Variants in ERRFI1 observed in about 807,000 individuals in gnomAD.
ERRFI1 encodes the protein ERBB receptor feedback inhibitor 1.
ERRFI1 carries 12 observed loss-of-function variants against 14.6 expected under a neutral mutation model. The observed-to-expected ratio is 0.82, with a 90% CI of 0.53 to 1.33. ERRFI1 has a LOEUF of 1.33. Ranked by LOEUF, ERRFI1 falls within the 40% of genes most tolerant of loss-of-function variation. The pLI, the probability that ERRFI1 is intolerant of heterozygous loss-of-function variation, is 0.00. For missense variants in ERRFI1, 482 were observed against 572.1 expected, an observed-to-expected ratio of 0.84 and a Z score of 1.61; for synonymous variants, 202 against 209.9, an observed-to-expected ratio of 0.96 and a Z score of 0.32.
At position 8,015,774 on chromosome 1, in the gene ERRFI1, A is replaced by C. The variant is rs539136670; in HGVS notation, c.-73-82T>G. 9.8e-6 allele frequency: 9 copies of C among 915,014 alleles called. No individual in the cohort carries two copies. In the African/African-American group the frequency reaches 1.5e-4, roughly 15 times the overall value. The allele number at this position is 915,014 out of a possible 1,614,324, so 56.7% of individuals were successfully genotyped here. The stretch of plus-strand genomic sequence containing the variant: ...GGACAGTCTAAATTACAGCAAAGCT[A>C]ACAGAGGATTTGGGGGATGCTGAAT... On this transcript the variant is annotated intron_variant, in intron 1 of 3. Coordinates refer to ENST00000377482, the MANE Select transcript of ERRFI1 (RefSeq NM_018948.4).
chr1:8,019,690 G>A (rs1420339281), intron 1 of ERRFI1, among the ~76,000 whole-genome samples: 1 of 152,188 alleles, frequency 6.6e-6, no homozygotes, highest in Non-Finnish European at 1.5e-5. Flanking sequence ...AAGTTAATGC[G>A]TGCTGGAGTG....
chr1:8,012,786 T>C lies in ERRFI1; in HGVS notation c.*424A>G, dbSNP rs987734298. 3 of 241,284 alleles carry C rather than the reference T, an allele frequency of 1.2e-5. No individual in the cohort carries two copies. Among genetic ancestry groups the C allele is most frequent in the Non-Finnish European group, 2.5e-5 (3 of 122,276 alleles). The allele number at this position is 241,284 out of a possible 1,614,324, so 14.9% of individuals were successfully genotyped here. A position where few individuals can be genotyped will look rare whatever the true frequency, so the allele number is the denominator to read the frequency against. On this transcript the variant is annotated 3_prime_UTR_variant, in exon 4 of 4. Coordinates refer to ENST00000377482, the MANE Select transcript of ERRFI1 (RefSeq NM_018948.4). ...ATTCTGATCTAAACAATACTGTATC[T>C]TCTTCCATTTGCTCAATTTTCAGTC...
Position 8,013,271 on chromosome 1 carries a change from G to C in ERRFI1, c.1328C>G (p.Thr443Arg). 6.2e-7 allele frequency: 1 copy of C among 1,613,844 alleles called. No homozygotes were observed. Among genetic ancestry groups the C allele is most frequent in the Non-Finnish European group, 8.5e-7 (1 of 1,179,942 alleles). The change falls in exon 4 of 4, where the codon ACA becomes AGA. Residue 443 changes from threonine (T) to arginine (R), a missense_variant. Thr to Arg is a moderately conservative substitution (Grantham distance 71). Coordinates refer to ENST00000377482, the MANE Select transcript of ERRFI1 (RefSeq NM_018948.4). The surrounding 1 kb of genome is among the most constrained non-coding windows in gnomAD (Gnocchi z 4.3). ...SSATEKPDSKTKMDLGGHVKR... is the reference protein window; with the variant it reads ...SSATEKPDSKRKMDLGGHVKR... ...CACGTGGCCACCCAGATCCATTTTT[G>C]TTTTTGAGTCTGGCTTTTCTGTGGC...
Position 8,014,301 on chromosome 1 carries a change from T to C in ERRFI1, c.298A>G (p.Ser100Gly). 2 of 1,613,888 alleles carry C rather than the reference T, an allele frequency of 1.2e-6. No individual in the cohort carries two copies. Among genetic ancestry groups the C allele is most frequent in the Non-Finnish European group, 1.7e-6 (2 of 1,179,870 alleles). Residue 100 changes from serine (S) to glycine (G), a missense_variant, in exon 4 of 4, where the codon AGT becomes GGT. Physicochemically the swap from Ser to Gly is moderately conservative, Grantham distance 56 (BLOSUM62 0). Coordinates refer to ENST00000377482, the MANE Select transcript of ERRFI1 (RefSeq NM_018948.4). The part of the protein sequence containing the change: ...SSLPPLLIPP[S>G]ENLGPHEEDQ... ...TCTTCATGTGGTCCCAAGTTTTCAC[T>C]TGGGGGAATAAGAAGAGGGGGCAAG...
chr1:8,013,587 G>A lies in ERRFI1; in HGVS notation c.1012C>T (p.Leu338Phe), dbSNP rs780660769. ...SNSRTPSPKSLPSYLNGVMPP... is the reference protein window; with the variant it reads ...SNSRTPSPKSFPSYLNGVMPP... ...ATGACCCCATTGAGGTAAGACGGAAGGCTTTTGGGACTCGGTGTGCGCGAG... is the reference window on the plus strand; with the variant it reads ...ATGACCCCATTGAGGTAAGACGGAAAGCTTTTGGGACTCGGTGTGCGCGAG... Residue 338 changes from leucine to phenylalanine, a missense_variant, in exon 4 of 4, where the codon CTT (leucine) becomes TTT (phenylalanine). By Grantham distance (22) the Leu-to-Phe change is conservative. Transcript: ENST00000377482. The surrounding 1 kb of genome is among the most constrained non-coding windows in gnomAD (Gnocchi z 4.3). The A allele has an allele frequency of 2.5e-6, 4 of 1,614,068 alleles. No individual in the cohort carries two copies. Among genetic ancestry groups the A allele is most frequent in the Middle Eastern group, 1.6e-4 (1 of 6,084 alleles).
At chr1:8,024,232 CAA>C (rs1398544179) in intron 1 of ERRFI1, among the ~76,000 whole-genome samples, 1 of 152,128 alleles carries the variant, frequency 6.6e-6, no homozygotes. Context: ...AAGCAGCAGT[CAA>C]GAGGTATTTT....
intron 3 of ERRFI1, 177 bp downstream of exon 3, chr1:8,015,131 T>C: frequency 1.7e-6 from 1 of 602,476 alleles, no homozygotes; most frequent in Non-Finnish European, 2.9e-6. Flanking sequence ...GGCAGTCGAG[T>C]ACAATAGCTT....
Position 8,012,804 on chromosome 1 carries a change from T to A in ERRFI1, c.*406A>T, listed in dbSNP as rs1641104833. ...CTGTATCTTCTTCCATTTGCTCAAT[T>A]TTCAGTCTATCAGGACTCATTTCTC... On this transcript the variant is annotated 3_prime_UTR_variant, in exon 4 of 4. Transcript: ENST00000377482. The A allele has an allele frequency of 4.1e-6, 1 of 243,420 alleles. No individual in the cohort carries two copies. The highest frequency in any genetic ancestry group is 8.1e-6 in the Non-Finnish European group (1 of 123,846). The allele number at this position is 243,420 out of a possible 1,614,324, so 15.1% of individuals were successfully genotyped here.
At chr1:8,025,166 C>A (rs1481619625) in intron 1 of ERRFI1, among the ~76,000 whole-genome samples, 1 of 152,196 alleles carries the variant, frequency 6.6e-6, no homozygotes, top group Non-Finnish European at 1.5e-5. Flanking sequence ...AGTCTCCATT[C>A]TGACTTAAGT....
intron 1 of ERRFI1, among the ~76,000 whole-genome samples, chr1:8,024,641 A>C (rs1641319714): frequency 6.6e-6 from 1 of 152,234 alleles, no homozygotes; most frequent in Non-Finnish European, 1.5e-5. Context: ...CACACAGGTG[A>C]AAATAAACTT....
intron 1 of ERRFI1, among the ~76,000 whole-genome samples, chr1:8,024,208 G>C (rs1254865563): frequency 6.6e-6 from 1 of 152,176 alleles, no homozygotes; most frequent in Non-Finnish European, 1.5e-5. Context: ...GTATTATCTA[G>C]CTCAACTTTT....
chr1:8,018,383 G>GT, intron 1 of ERRFI1, among the ~76,000 whole-genome samples: 1 of 115,612 alleles, frequency 8.6e-6, no homozygotes, highest in Admixed American at 9.2e-5. Context: ...CGGGGGGGGG[G>GT]GGGGCGCGGA....
intron 1 of ERRFI1, among the ~76,000 whole-genome samples, chr1:8,025,393 T>C (rs543037628): frequency 6.6e-6 from 1 of 152,310 alleles, no homozygotes; most frequent in South Asian, 2.1e-4. Flanking sequence ...GCAGTCCGAT[T>C]CCATTCAAAG....
intron 1 of ERRFI1, among the ~76,000 whole-genome samples, chr1:8,022,925 C>A (rs556663344): frequency 6.6e-6 from 1 of 152,056 alleles, no homozygotes; most frequent in Non-Finnish European, 1.5e-5. Flanking sequence ...AAGAGAATAG[C>A]CAAGCAAGCA....
chr1:8,016,555 C>T (rs1298400722), intron 1 of ERRFI1, among the ~76,000 whole-genome samples: 2 of 152,208 alleles, frequency 1.3e-5, no homozygotes, highest in African/African-American at 4.8e-5. Context: ...TCCCCTTTGT[C>T]AGATGTTACA....
At chr1:8,017,502 T>C (rs1196329281) in intron 1 of ERRFI1, among the ~76,000 whole-genome samples, 1 of 152,224 alleles carries the variant, frequency 6.6e-6, no homozygotes, top group Non-Finnish European at 1.5e-5. Flanking sequence ...ATGTGTTATC[T>C]ACCATCAAGC....
In ERRFI1 at chr1:8,012,965, A is replaced by T. The variant is rs529668406; in HGVS notation, c.*245T>A. The T allele has an allele frequency of 8.8e-5, 44 of 501,658 alleles. No homozygotes were observed. The highest frequency in any genetic ancestry group is 1.3e-4 in the Non-Finnish European group (38 of 285,798). The allele number at this position is 501,658 out of a possible 1,614,324, so 31.1% of individuals were successfully genotyped here. ...GTATGCATATATAAAAAGCTTCCCC[A>T]TCCTCCCCTCCCCACCATCACATCT... On this transcript the variant is annotated 3_prime_UTR_variant, in exon 4 of 4. Transcript: ENST00000377482.
intron 1 of ERRFI1, among the ~76,000 whole-genome samples, chr1:8,016,352 G>A (rs766262512): frequency 6.6e-6 from 1 of 152,162 alleles, no homozygotes; most frequent in Non-Finnish European, 1.5e-5. Flanking sequence ...ATCAAGTTCT[G>A]CAAGATTACT....
intron 1 of ERRFI1, among the ~76,000 whole-genome samples, chr1:8,019,331 A>G (rs139579279): frequency 2.0e-4 from 31 of 152,142 alleles, no homozygotes; most frequent in Non-Finnish European, 4.0e-4. Context: ...GCGCGCTTCT[A>G]TTTTCCCCAA....
Sources: allele counts gnomAD v4.1 joint callset (sites outside exome capture counted in the v4.1 genomes callset), GRCh38; gene constraint gnomAD v4.1.1; non-coding constraint Gnocchi (gnomAD v3.1); transcripts MANE v1.5; gene names NCBI Gene and HGNC (gene_info 2026-07-23, HGNC 2026-07-21).